The following GRAMD1B variants were observed in gnomAD, a reference collection of about 807,000 sequenced individuals.
The protein encoded by GRAMD1B is GRAM domain containing 1B, also known as protein Aster-B.
In GRAMD1B, 37 loss-of-function variants were observed where a neutral mutation model predicts 99.7. The observed-to-expected ratio is 0.37, with a 90% CI of 0.29 to 0.49. The LOEUF is 0.49. GRAMD1B is among the 20% of genes least tolerant of loss of function. The pLI is 0.98. For synonymous variants in GRAMD1B, 427 were observed against 387.6 expected (o/e 1.10, Z -1.19); for missense variants, 888 against 1,009.2 (o/e 0.88, Z 1.63).
rs947351682 is a variant in GRAMD1B at position 123,400,426 on chromosome 11, G to A, written c.-176+41627G>A. ...CGGGAGGCAGGGGTTGCAGTGAGCC[G>A]AGATCGTGCCATTGCAATTCCCCTT... On this transcript the variant is annotated intron_variant, in intron 1 of 20. Transcript: ENST00000638157. Among the ~76,000 whole-genome samples, 10 of 152,158 alleles carry A rather than the reference G, an allele frequency of 6.6e-5. No individual in the cohort carries two copies. The East Asian group carries it at 1.5e-3, about 23-fold the overall frequency.
chr11:123,456,714 G>C (rs1190765503), intron 1 of GRAMD1B, among the ~76,000 whole-genome samples: 1 of 152,032 alleles, frequency 6.6e-6, no homozygotes, highest in Admixed American at 6.5e-5. Flanking sequence ...GAGGTCAGGA[G>C]TTTGAGACCA....
intron 2 of GRAMD1B, among the ~76,000 whole-genome samples, chr11:123,504,569 G>T (rs980802766): frequency 6.6e-6 from 1 of 152,176 alleles, no homozygotes; most frequent in Admixed American, 6.5e-5. Context: ...GACCTTTGCA[G>T]CAGTGACTCC....
At position 123,614,786 on chromosome 11, in the gene GRAMD1B, G is replaced by A. The variant is rs534553453; in HGVS notation, c.2269G>A (p.Gly757Ser). 1.8e-5 allele frequency: 29 copies of A among 1,612,830 alleles called. No homozygotes were observed. Among genetic ancestry groups the A allele is most frequent in the South Asian group, 1.2e-4 (11 of 91,006 alleles). Residue 757 changes from glycine (G) to serine (S), a missense_variant, in exon 17 of 20, where the codon GGT becomes AGT. Transcript: ENST00000635736. ...TRHIPEDTPN[G>S]FHLQSVSKLL... is the part of the protein sequence containing the mutation. ...GCATATCCCGGAGGACACCCCCAAC[G>A]GTTTCCACCTGCAGAGCGTGTCCAA...
intron 2 of GRAMD1B, among the ~76,000 whole-genome samples, chr11:123,482,508 C>A (rs1181423102): frequency 6.6e-6 from 1 of 152,150 alleles, no homozygotes; most frequent in Non-Finnish European, 1.5e-5. Context: ...GATAGCATTT[C>A]ATGTGAAAAA....
intron 2 of GRAMD1B, among the ~76,000 whole-genome samples, chr11:123,540,240 G>GTTT (rs529661991): frequency 2.1e-4 from 30 of 144,118 alleles, no homozygotes; most frequent in South Asian, 1.6e-3. Flanking sequence ...TTTTTTGGTT[G>GTTT]TTTTTTTTTT....
chr11:123,444,637 T>G (rs1949556624), intron 1 of GRAMD1B, among the ~76,000 whole-genome samples: 1 of 152,122 alleles, frequency 6.6e-6, no homozygotes, highest in African/African-American at 2.4e-5. Flanking sequence ...TGGTGTCCAT[T>G]CAGTCAGCTG....
At chr11:123,460,647 T>C (rs961714327) in intron 1 of GRAMD1B, among the ~76,000 whole-genome samples, 3 of 152,150 alleles carry the variant, frequency 2.0e-5, no homozygotes, top group African/African-American at 7.2e-5. Flanking sequence ...AGCCAGTTTT[T>C]CCCGGGGCTA....
chr11:123,584,390 G>T, intron 4 of GRAMD1B, 58 bp downstream of exon 4: 2 of 1,014,842 alleles, frequency 2.0e-6, no homozygotes, highest in Non-Finnish European at 1.5e-6. Flanking sequence ...GGGGAATGGA[G>T]GTTGGGGGAA....
chr11:123,417,955 A>T (rs1451365822), intron 1 of GRAMD1B, among the ~76,000 whole-genome samples: 1 of 152,004 alleles, frequency 6.6e-6, no homozygotes, highest in Non-Finnish European at 1.5e-5. Context: ...TGTAGAGATC[A>T]GGTCTTGCTA....
At chr11:123,447,249 G>T (rs1949685411) in intron 1 of GRAMD1B, among the ~76,000 whole-genome samples, 1 of 152,154 alleles carries the variant, frequency 6.6e-6, no homozygotes, top group African/African-American at 2.4e-5. Context: ...CAGACAGACG[G>T]GTCTCTCAGA....
chr11:123,494,604 G>T (rs1229079056), intron 2 of GRAMD1B, among the ~76,000 whole-genome samples: 1 of 152,078 alleles, frequency 6.6e-6, no homozygotes. Flanking sequence ...CACCTGCTCT[G>T]TTTCTCCTAC....
intron 1 of GRAMD1B, among the ~76,000 whole-genome samples, chr11:123,435,034 T>G (rs1216501281): frequency 6.6e-6 from 1 of 152,300 alleles, no homozygotes; most frequent in South Asian, 2.1e-4. Context: ...TGTGCAAGGG[T>G]GAAGGCTTAT....
intron 2 of GRAMD1B, among the ~76,000 whole-genome samples, chr11:123,550,475 G>A (rs536687634): frequency 6.6e-6 from 1 of 152,246 alleles, no homozygotes; most frequent in South Asian, 2.1e-4. Flanking sequence ...TCCCAGTGCA[G>A]CACAGGAACC....
intron 1 of GRAMD1B, among the ~76,000 whole-genome samples, chr11:123,450,695 A>C (rs965251739): frequency 6.6e-6 from 1 of 151,844 alleles, no homozygotes; most frequent in Non-Finnish European, 1.5e-5. Flanking sequence ...TGGGAAGCTG[A>C]CTCTCTTCCC....
chr11:123,589,397 T>G lies in GRAMD1B; in HGVS notation c.685-4685T>G, dbSNP rs983000848. ...CAGGAGGAGTCAGACTCTTCTACTTTCTCCAACACTGTTTACCTGGGAGAA... is the reference window on the plus strand; with the variant it reads ...CAGGAGGAGTCAGACTCTTCTACTTGCTCCAACACTGTTTACCTGGGAGAA... On this transcript the variant is annotated intron_variant, in intron 4 of 19. Transcript: ENST00000635736. Among the ~76,000 whole-genome samples, 10 of 151,812 alleles carry G rather than the reference T, an allele frequency of 6.6e-5. No individual in the cohort carries two copies. In the South Asian group the frequency reaches 2.1e-3, roughly 32 times the overall value.
At chr11:123,521,558 C>A (rs1942197552) in intron 2 of GRAMD1B, among the ~76,000 whole-genome samples, 1 of 151,892 alleles carries the variant, frequency 6.6e-6, no homozygotes. Flanking sequence ...TCATTTTTTT[C>A]CTTTATGGGC....
intron 1 of GRAMD1B, among the ~76,000 whole-genome samples, chr11:123,472,227 CAAAA>C (rs35517773): frequency 3.1e-4 from 38 of 123,518 alleles, no homozygotes; most frequent in Admixed American, 1.6e-3. Context: ...GACTCTGTCT[CAAAA>C]AAAAAAAAAG....
chr11:123,441,574 G>A (rs1483690324), intron 1 of GRAMD1B, among the ~76,000 whole-genome samples: 1 of 151,990 alleles, frequency 6.6e-6, no homozygotes, highest in African/African-American at 2.4e-5. Flanking sequence ...TTAGGCCCAG[G>A]AGTTTGAGAC....
At chr11:123,604,396 G>A (rs182917265) in intron 9 of GRAMD1B, among the ~76,000 whole-genome samples, 5 of 152,288 alleles carry the variant, frequency 3.3e-5, no homozygotes, top group Middle Eastern at 6.8e-3. Context: ...TCCTATCCTG[G>A]CAGCCACGGG....
Sources: gnomAD v4.1 joint callset for allele counts (sites outside exome capture counted in the v4.1 genomes callset) on GRCh38, gnomAD v4.1.1 for gene constraint, MANE v1.5 for transcripts, NCBI Gene and HGNC (gene_info 2026-07-23, HGNC 2026-07-21) for gene names.